Variants in PRDM10 observed in about 807,000 individuals in gnomAD.
PRDM10 encodes the protein PR/SET domain 10.
In PRDM10, 65 loss-of-function variants were observed where a neutral mutation model predicts 133.1. The ratio of observed to expected loss-of-function variants is 0.49; its 90% confidence interval spans 0.40 to 0.60. The LOEUF (loss-of-function observed/expected upper bound fraction) is 0.60, where lower values mean the gene tolerates loss of function less well. PRDM10 is among the 20% of genes least tolerant of loss of function. The pLI is 0.00. For synonymous variants in PRDM10, 582 were observed against 580.4 expected, an observed-to-expected ratio of 1.00 and a Z score of -0.04; for missense variants, 1,137 against 1,507.1, an observed-to-expected ratio of 0.75 and a Z score of 4.07.
intron 1 of PRDM10, among the ~76,000 whole-genome samples, chr11:129,975,564 G>A (rs965005789): frequency 4.6e-5 from 7 of 152,162 alleles, no homozygotes; most frequent in African/African-American, 1.7e-4. Flanking sequence ...CCCCCATGGT[G>A]GGAATGGGAC....
chr11:129,950,609 G>T (rs1334726904), intron 4 of PRDM10, among the ~76,000 whole-genome samples: 1 of 152,162 alleles, frequency 6.6e-6, no homozygotes, highest in Non-Finnish European at 1.5e-5. Flanking sequence ...GAACCTGCAA[G>T]GAAGTGACTG....
intron 11 of PRDM10, among the ~76,000 whole-genome samples, chr11:129,928,072 A>G (rs1265609649): frequency 2.0e-5 from 3 of 152,236 alleles, no homozygotes; most frequent in African/African-American, 7.2e-5. Context: ...GATTATTTGT[A>G]GACAGAGATC....
At chr11:129,910,132 T>C (rs910672660) in intron 19 of PRDM10, among the ~76,000 whole-genome samples, 1 of 152,250 alleles carries the variant, frequency 6.6e-6, no homozygotes, top group Non-Finnish European at 1.5e-5. Flanking sequence ...AATCTTGGCA[T>C]AGCCAGTGTC....
intron 15 of PRDM10, 43 bp from the exon 16 acceptor site, chr11:129,915,903 C>T: frequency 6.5e-7 from 1 of 1,549,078 alleles, no homozygotes; most frequent in Non-Finnish European, 8.7e-7. Flanking sequence ...TATACAGTTC[C>T]ACTTTCTTGC....
intron 1 of PRDM10, among the ~76,000 whole-genome samples, chr11:129,992,191 G>A (rs1268122653): frequency 6.6e-6 from 1 of 152,176 alleles, no homozygotes; most frequent in Non-Finnish European, 1.5e-5. Flanking sequence ...TTTAACAGAT[G>A]CAGCTCTTTA....
chr11:130,001,972 TCCCGGA>T (rs1191142023), intron 1 of PRDM10, among the ~76,000 whole-genome samples: 2 of 150,226 alleles, frequency 1.3e-5, no homozygotes, highest in Non-Finnish European at 3.0e-5. Flanking sequence ...CCCGCCCCGG[TCCCGGA>T]CGCTAGCTTG....
At chr11:129,915,556 C>T in intron 16 of PRDM10, 104 bp downstream of exon 16, 1 of 1,279,432 alleles carries the variant, frequency 7.8e-7, no homozygotes, top group South Asian at 1.5e-5. Context: ...CCCCCGTCAA[C>T]TCAGAAGGAG....
At position 129,947,943 on chromosome 11, in the gene PRDM10, C is replaced by A; in HGVS notation, c.295-573G>T. 2.3e-6 allele frequency: 1 copy of A among 434,690 alleles called. No individual in the cohort carries two copies. The highest frequency in any genetic ancestry group is 3.4e-4 in the Middle Eastern group (1 of 2,950). 26.9% of individuals were successfully genotyped at this position (434,690 alleles called of 1,614,324 possible). ...GGAGGGGGTAAATGAGTTGACCTAT[C>A]CTCAACCACTTGTCTTTTAAAACTA... On this transcript the variant is annotated intron_variant, in intron 4 of 20. Transcript: ENST00000360871. This position sits in a 1 kb window ranked among gnomAD's most constrained non-coding sequence, Gnocchi z 4.6.
chr11:129,913,549 CA>C (rs1275796050), intron 17 of PRDM10, among the ~76,000 whole-genome samples: 3 of 152,196 alleles, frequency 2.0e-5, no homozygotes, highest in African/African-American at 7.2e-5. Context: ...TTTAGTTTGT[CA>C]CCATTAACCC....
chr11:129,904,034 C>A (rs1016240049), intron 20 of PRDM10, among the ~76,000 whole-genome samples: 5 of 151,676 alleles, frequency 3.3e-5, no homozygotes, highest in African/African-American at 1.2e-4. Context: ...ATGATTATCT[C>A]ATTTTACATT....
intron 12 of PRDM10, among the ~76,000 whole-genome samples, chr11:129,924,041 C>T (rs189594045): frequency 1.6e-3 from 245 of 152,362 alleles, no homozygotes; most frequent in Middle Eastern, 3.4e-3. Context: ...TCTGAACTCT[C>T]TTAGCCACAC....
Position 129,945,545 on chromosome 11 carries a change from A to C in PRDM10, c.521-533T>G, listed in dbSNP as rs993823779. ...GTTGTGCGGTCTGAGAGTTCAGTGC[A>C]TACTGTCTGATTAGATAATGCTAAA... is the stretch of plus-strand genomic sequence containing the variant. On this transcript the variant is annotated intron_variant, in intron 5 of 20. Coordinates refer to ENST00000360871, the MANE Select transcript of PRDM10 (RefSeq NM_199437.2). The surrounding 1 kb of genome is among the most constrained non-coding windows in gnomAD (Gnocchi z 4.2). Among the ~76,000 whole-genome samples the C allele has an allele frequency of 2.0e-5, 3 of 152,336 alleles. No individual in the cohort carries two copies. The East Asian group carries it at 5.8e-4, about 29-fold the overall frequency.
chr11:129,911,499 C>T (rs561428128), intron 18 of PRDM10, among the ~76,000 whole-genome samples: 8 of 152,362 alleles, frequency 5.3e-5, no homozygotes, highest in African/African-American at 1.9e-4. Flanking sequence ...CCTTTCCAAA[C>T]ATCATTTCCT....
intron 3 of PRDM10, among the ~76,000 whole-genome samples, chr11:129,956,161 C>T (rs1313091557): frequency 1.3e-5 from 2 of 152,120 alleles, no homozygotes; most frequent in African/African-American, 2.4e-5. Context: ...ACTAAGTTGG[C>T]TCATGATGCA....
Position 129,923,643 on chromosome 11 carries a change from TGAGAGAGAGAGAGAGAGAGAGA to T in PRDM10, c.1879-262_1879-241del, listed in dbSNP as rs57429782. On this transcript the variant is annotated intron_variant, in intron 12 of 20. Coordinates refer to ENST00000360871, the MANE Select transcript of PRDM10 (RefSeq NM_199437.2). The surrounding 1 kb of genome is among the most constrained non-coding windows in gnomAD (Gnocchi z 4.4). ...CGAACCTCCCCGATGACTTGAAACG[TGAGAGAGAGAGAGAGAGAGAGA>T]GAGAGAGAGAGAGAGAGAGAGAGAG... Among the ~76,000 whole-genome samples, 29 of 65,882 alleles carry T rather than the reference TGAGAGAGAGAGAGAGAGAGAGA, an allele frequency of 4.4e-4. No individual in the cohort carries two copies. Among genetic ancestry groups the T allele is most frequent in the East Asian group, 7.0e-4 (1 of 1,420 alleles). The allele number at this position is 65,882 out of a possible 152,430, so 43.2% of individuals were successfully genotyped here.
In PRDM10 at chr11:129,910,525, A is replaced by G; in HGVS notation, c.3114T>C (p.Ser1038=). The stretch of plus-strand genomic sequence containing the variant: ...CACTGGGCAGGTACGTGTGCTGCAC[A>G]GAGGAATTCTGCTGCTGCTGCTGCT... ...QQQQQQQQNS[S]VQHTYLPSAW... The change falls in exon 19 of 21, where the codon TCT becomes TCC. Residue 1038 remains serine, a synonymous_variant. Coordinates refer to ENST00000360871, the MANE Select transcript of PRDM10 (RefSeq NM_199437.2). The G allele has an allele frequency of 6.2e-7, 1 of 1,614,144 alleles. No homozygotes were observed. The highest frequency in any genetic ancestry group is 1.1e-5 in the South Asian group (1 of 91,086).
At chr11:129,910,677 A>G (rs1162376532) in intron 18 of PRDM10, 21 bp from the exon 19 acceptor site, 1 of 1,516,062 alleles carries the variant, frequency 6.6e-7, no homozygotes, top group African/African-American at 1.4e-5. Flanking sequence ...AGAGAAAGCA[A>G]TGGTAGGGAA....
chr11:129,943,926 G>A (rs1345710230), intron 6 of PRDM10, among the ~76,000 whole-genome samples: 1 of 152,050 alleles, frequency 6.6e-6, no homozygotes, highest in Non-Finnish European at 1.5e-5. Flanking sequence ...CTGGAGGCAG[G>A]GGGTGCAGTG....
chr11:129,928,680 A>G (rs928528276), intron 11 of PRDM10, among the ~76,000 whole-genome samples: 1 of 152,100 alleles, frequency 6.6e-6, no homozygotes, highest in Non-Finnish European at 1.5e-5. Context: ...TAGGTGTGAG[A>G]CACTATGCCT....
Sources: allele counts gnomAD v4.1 joint callset (sites outside exome capture counted in the v4.1 genomes callset), GRCh38; gene constraint gnomAD v4.1.1; non-coding constraint Gnocchi (gnomAD v3.1); transcripts MANE v1.5; gene names NCBI Gene and HGNC (gene_info 2026-07-23, HGNC 2026-07-21).